The following ZNF766 variants were observed in gnomAD, a reference collection of about 807,000 sequenced individuals.
ZNF766 encodes zinc finger protein 766.
In ZNF766, 13 loss-of-function variants were observed where a neutral mutation model predicts 13.2. The observed-to-expected ratio is 0.98, with a 90% confidence interval of 0.64 to 1.56. The LOEUF is 1.56. ZNF766 is among the 40% of genes most tolerant of loss of function. The probability of loss-of-function intolerance (pLI) is 0.00; values close to 1 mark genes in which losing one functional copy is unlikely to be tolerated. For synonymous variants in ZNF766, 178 were observed against 187.6 expected (o/e 0.95, Z 0.42); for missense variants, 521 against 552.2 (o/e 0.94, Z 0.57).
intron 1 of ZNF766, among the ~76,000 whole-genome samples, chr19:52,277,972 CTTTT>C (rs375658066): frequency 1.5e-5 from 2 of 135,694 alleles, no homozygotes. Flanking sequence ...TCTTTTCTGC[CTTTT>C]TTTTTTTTTT....
At chr19:52,281,813 T>C (rs758225812) in intron 1 of ZNF766, 3 of 524,348 alleles carry the variant, frequency 5.7e-6, no homozygotes, top group South Asian at 2.9e-5. Flanking sequence ...TGATATTCAT[T>C]GTCTACCTGA....
chr19:52,282,497 G>T lies in ZNF766; in HGVS notation c.145+260G>T, dbSNP rs189644714. The T allele has an allele frequency of 2.3e-3, 644 of 276,268 alleles. 7 individuals are homozygous for T. The highest frequency in any genetic ancestry group is 0.019 in the East Asian group (184 of 9,468). 17.1% of individuals were successfully genotyped at this position (276,268 alleles called of 1,614,324 possible). A position where few individuals can be genotyped will look rare whatever the true frequency, so the allele number is the denominator to read the frequency against. On this transcript the variant is annotated intron_variant, in intron 2 of 3. Transcript: ENST00000439461. ...CTAAAAATACAAAAATTAGCCAGGT[G>T]TCACGGTGCATGCCTGTAATCTCAG...
chr19:52,285,777 A>C (rs1981787375), intron 3 of ZNF766, among the ~76,000 whole-genome samples: 1 of 152,134 alleles, frequency 6.6e-6, no homozygotes, highest in Non-Finnish European at 1.5e-5. Context: ...AGGTAGGGGG[A>C]AAGTTAGAGT....
At chr19:52,284,339 T>A (rs1981703794) in intron 3 of ZNF766, among the ~76,000 whole-genome samples, 1 of 152,198 alleles carries the variant, frequency 6.6e-6, no homozygotes, top group African/African-American at 2.4e-5. Flanking sequence ...CCATTTCCTG[T>A]ACTGGGAAGA....
chr19:52,290,754 T>C lies in ZNF766; in HGVS notation c.963T>C (p.His321=). ...ACCTAGCACAACATTGGAGAATTCATACAGGAGAGAAACTTTACAAATGTA... is the reference window on the plus strand; with the variant it reads ...ACCTAGCACAACATTGGAGAATTCACACAGGAGAGAAACTTTACAAATGTA... ...SSYLAQHWRI[H]TGEKLYKCNK... is the part of the protein sequence containing the mutation. Residue 321 remains histidine, a synonymous_variant, in exon 4 of 4, where the codon CAT becomes CAC. Transcript: ENST00000439461. 6.2e-7 allele frequency: 1 copy of C among 1,613,950 alleles called. No homozygotes were observed. Among genetic ancestry groups the C allele is most frequent in the Non-Finnish European group, 8.5e-7 (1 of 1,179,902 alleles).
chr19:52,279,068 G>A (rs1272987629), intron 1 of ZNF766, among the ~76,000 whole-genome samples: 1 of 152,116 alleles, frequency 6.6e-6, no homozygotes, highest in African/African-American at 2.4e-5. Flanking sequence ...ATAAGGAAGG[G>A]GTCCAGCTTC....
intron 3 of ZNF766, 89 bp downstream of exon 3, chr19:52,283,502 A>C: frequency 7.0e-7 from 1 of 1,419,010 alleles, no homozygotes; most frequent in African/African-American, 1.5e-5. Context: ...TGCATTGGCC[A>C]TCATAGCTCA....
In ZNF766 at chr19:52,282,244, A is replaced by T. The variant is rs748397398; in HGVS notation, c.145+7A>T. The T allele has an allele frequency of 2.5e-6, 4 of 1,591,684 alleles. No homozygotes were observed. In the South Asian group the frequency reaches 4.4e-5, roughly 18 times the overall value. ...AGGAACCTGGTCTCCCTGGGTAAGG[A>T]TAATGCCCCTCCAGAAGTTGGGGTC... On this transcript the variant is annotated splice_region_variant and intron_variant, in intron 2 of 3. Transcript: ENST00000439461.
At chr19:52,284,665 A>G (rs1033143295) in intron 3 of ZNF766, 2 of 152,074 alleles carry the variant, frequency 1.3e-5, no homozygotes, top group Non-Finnish European at 2.9e-5. Flanking sequence ...ACCAATTGCC[A>G]GTAGCGGGTT....
intron 1 of ZNF766, chr19:52,277,446 G>C: frequency 6.5e-7 from 1 of 1,534,830 alleles, no homozygotes; most frequent in Non-Finnish European, 8.7e-7. Flanking sequence ...GTGACAGAGT[G>C]AGACTCCGTC....
chr19:52,282,528 C>T (rs62110408), intron 2 of ZNF766: 23,687 of 205,106 alleles, frequency 0.12, 1,430 homozygotes, highest in Middle Eastern at 0.16. Flanking sequence ...CTCAGCTACA[C>T]GGGAGGCTGA....
intron 3 of ZNF766, among the ~76,000 whole-genome samples, chr19:52,288,359 T>G (rs748746367): frequency 1.4e-4 from 19 of 133,426 alleles, no homozygotes; most frequent in Non-Finnish European, 2.3e-4. Context: ...AAAGTTAGGT[T>G]GTTTATACGT....
At position 52,294,326 on chromosome 19, in the gene ZNF766, AC is replaced by A. The variant is rs1770858539; in HGVS notation, c.*3130del. 1 of 152,120 alleles carries A rather than the reference AC, an allele frequency of 6.6e-6. No individual in the cohort carries two copies. The highest frequency in any genetic ancestry group is 6.5e-5 in the Admixed American group (1 of 15,270). The allele number at this position is 152,120 out of a possible 1,614,324, so 9.4% of individuals were successfully genotyped here. A position where few individuals can be genotyped will look rare whatever the true frequency, so the allele number is the denominator to read the frequency against. On this transcript the variant is annotated 3_prime_UTR_variant, in exon 4 of 4. Coordinates refer to ENST00000439461, the MANE Select transcript of ZNF766 (RefSeq NM_001010851.3). ...GAAACTTCACATTTTCACCCTTATA[AC>A]CTTTTTGGTAATTTGAACTTTTGAT... is the stretch of plus-strand genomic sequence containing the variant.
In ZNF766 at chr19:52,294,173, G is replaced by GT. The variant is rs1982262573; in HGVS notation, c.*2976dup. 1 of 152,154 alleles carries GT rather than the reference G, an allele frequency of 6.6e-6. No homozygotes were observed. Among genetic ancestry groups the GT allele is most frequent in the African/African-American group, 2.4e-5 (1 of 41,428 alleles). The allele number at this position is 152,154 out of a possible 1,614,324, so 9.4% of individuals were successfully genotyped here. ...GTGTGGACTTCAGGATGAAAATATTGTAACAATCTTGCTGTTGACCTCGTA... is the reference window on the plus strand; with the variant it reads ...GTGTGGACTTCAGGATGAAAATATTGTTAACAATCTTGCTGTTGACCTCGTA... On this transcript the variant is annotated 3_prime_UTR_variant, in exon 4 of 4. Transcript: ENST00000439461.
intron 3 of ZNF766, among the ~76,000 whole-genome samples, chr19:52,289,297 C>T (rs10411111): frequency 0.085 from 12,896 of 151,880 alleles, 1,210 homozygotes; most frequent in African/African-American, 0.23. Context: ...ATTACAGGCA[C>T]ACACCACCAT....
chr19:52,275,764 T>G (rs1387610078), intron 1 of ZNF766, among the ~76,000 whole-genome samples: 1 of 142,032 alleles, frequency 7.0e-6, no homozygotes, highest in Non-Finnish European at 1.5e-5. Flanking sequence ...CACTGCAACC[T>G]CCGCCTCCTG....
rs1982287918 is a variant in ZNF766, at chr19:52,294,969, ATT to A, written c.*3773_*3774del. ...GTATTATATAATATGATTAAAATATATTTGTTATAAATATGATATTACTAGAA... is the reference window on the plus strand; with the variant it reads ...GTATTATATAATATGATTAAAATATATGTTATAAATATGATATTACTAGAA... On this transcript the variant is annotated 3_prime_UTR_variant, in exon 4 of 4. Coordinates refer to ENST00000439461, the MANE Select transcript of ZNF766 (RefSeq NM_001010851.3). The A allele has an allele frequency of 6.6e-6, 1 of 150,994 alleles. No homozygotes were observed. The highest frequency in any genetic ancestry group is 6.6e-5 in the Admixed American group (1 of 15,138). 9.4% of individuals were successfully genotyped at this position (150,994 alleles called of 1,614,324 possible). A position where few individuals can be genotyped will look rare whatever the true frequency, so the allele number is the denominator to read the frequency against.
At chr19:52,289,319 T>C (rs1981992344) in intron 3 of ZNF766, among the ~76,000 whole-genome samples, 1 of 151,798 alleles carries the variant, frequency 6.6e-6, no homozygotes, top group Non-Finnish European at 1.5e-5. Context: ...CCCGGCTAAT[T>C]TTTGTATTTT....
At chr19:52,281,544 C>CA (rs1981521251) in intron 1 of ZNF766, 1 of 310,580 alleles carries the variant, frequency 3.2e-6, no homozygotes, top group Non-Finnish European at 6.2e-6. Context: ...TCTACACTAT[C>CA]ACGTTAATGA....
Sources: allele counts gnomAD v4.1 joint callset (sites outside exome capture counted in the v4.1 genomes callset), GRCh38; gene constraint gnomAD v4.1.1; transcripts MANE v1.5; gene names NCBI Gene and HGNC (gene_info 2026-07-23, HGNC 2026-07-21).